RELB: variants seen among roughly 807,000 people sequenced by gnomAD.
The protein encoded by RELB is RELB proto-oncogene, NF-kB subunit.
A neutral mutation model predicts 55.4 loss-of-function variants in RELB; 14 were observed. The observed-to-expected ratio is 0.25, with a 90% confidence interval of 0.17 to 0.40. RELB has a LOEUF of 0.40. Ranked by LOEUF, RELB falls within the 10% of genes least tolerant of loss-of-function variation. RELB has a pLI of 1.00. For synonymous variants in RELB, 409 were observed against 371.3 expected (o/e 1.10, Z -1.17); for missense variants, 669 against 830.7 (o/e 0.81, Z 2.39).
At chr19:45,005,699 G>A (rs1045793764) in intron 2 of RELB, among the ~76,000 whole-genome samples, 49 of 152,302 alleles carry the variant, frequency 3.2e-4, no homozygotes, top group African/African-American at 1.1e-3. Context: ...CGCCTCCCAG[G>A]TTCAAGTGAT....
At chr19:45,011,785 TGTGTGTGTGTGTGAGAGAGAGAGAGAGA>T (rs1331330726) in intron 3 of RELB, 123 bp from the exon 4 acceptor site, 3 of 355,290 alleles carry the variant, frequency 8.4e-6, no homozygotes, top group African/African-American at 1.0e-4. Flanking sequence ...TGTGTGTGTG[TGTGTGTGTGTGTGAGAGAGAGAGAGAGA>T]GAGAGAGAGA....
intron 2 of RELB, among the ~76,000 whole-genome samples, chr19:45,008,000 CAAAAA>C (rs57007961): frequency 3.2e-5 from 2 of 63,012 alleles, no homozygotes; most frequent in African/African-American, 5.7e-5. Context: ...GCTAAAAATA[CAAAAA>C]AAAAAAAAAA....
In RELB at chr19:45,037,931, C is replaced by A; in HGVS notation, c.*141C>A. 1 of 814,096 alleles carries A rather than the reference C, an allele frequency of 1.2e-6. No homozygotes were observed. Among genetic ancestry groups the A allele is most frequent in the Non-Finnish European group, 1.7e-6 (1 of 577,650 alleles). The allele number at this position is 814,096 out of a possible 1,614,324, so 50.4% of individuals were successfully genotyped here. The stretch of plus-strand genomic sequence containing the variant: ...GGACATATTCAGCCTTGGCGAGAAG[C>A]TCCGTTGCACGGGTTTCCCCTTGAG... On this transcript the variant is annotated 3_prime_UTR_variant, in exon 12 of 12. Coordinates refer to ENST00000221452, the MANE Select transcript of RELB (RefSeq NM_006509.4).
chr19:45,003,100 C>T (rs2122377848), intron 2 of RELB, 104 bp downstream of exon 2: 1 of 1,130,806 alleles, frequency 8.8e-7, no homozygotes, highest in East Asian at 2.6e-5. Context: ...TCCACCTCAG[C>T]TTTCTCCTGA....
chr19:45,003,298 C>T (rs1484734414), intron 2 of RELB, among the ~76,000 whole-genome samples: 2 of 151,808 alleles, frequency 1.3e-5, no homozygotes, highest in Admixed American at 6.6e-5. Flanking sequence ...GGTGAAACCC[C>T]GTCTCTACTG....
In RELB at chr19:45,003,915, G is replaced by GTTTTTTTTTTTT. The variant is rs1039624578; in HGVS notation, c.154+934_154+945dup. Among the ~76,000 whole-genome samples the GTTTTTTTTTTTT allele has an allele frequency of 1.7e-3, 110 of 63,576 alleles. 14 individuals are homozygous for GTTTTTTTTTTTT. Among genetic ancestry groups the GTTTTTTTTTTTT allele is most frequent in the East Asian group, 3.0e-3 (5 of 1,646 alleles). 41.7% of individuals were successfully genotyped at this position (63,576 alleles called of 152,430 possible). A position where few individuals can be genotyped will look rare whatever the true frequency, so the allele number is the denominator to read the frequency against. On this transcript the variant is annotated intron_variant, in intron 2 of 11. Coordinates refer to ENST00000221452, the MANE Select transcript of RELB (RefSeq NM_006509.4). ...TGGGTTTTTTTTGTCTGTTTTTTGT[G>GTTTTTTTTTTTT]TTTTTTTTTTTTTTTTTTTTTTTTT...
At chr19:45,027,211 C>T (rs767423969) in intron 7 of RELB, among the ~76,000 whole-genome samples, 5 of 132,192 alleles carry the variant, frequency 3.8e-5, no homozygotes, top group Admixed American at 9.1e-5. Context: ...CCAGCCCGGG[C>T]AACAGAGCGA....
chr19:45,007,950 A>T (rs1031179028), intron 2 of RELB, among the ~76,000 whole-genome samples: 2 of 145,738 alleles, frequency 1.4e-5, no homozygotes, highest in African/African-American at 5.1e-5. Flanking sequence ...AGGTCAGGAG[A>T]TCGAGACTAG....
chr19:45,018,706 C>T (rs1440454980), intron 4 of RELB, among the ~76,000 whole-genome samples: 3 of 148,486 alleles, frequency 2.0e-5, no homozygotes, highest in South Asian at 4.3e-4. Context: ...GACAGAGTTT[C>T]GCTCTTGTTG....
intron 3 of RELB, 75 bp from the exon 4 acceptor site, chr19:45,011,861 G>A: frequency 1.1e-6 from 1 of 896,714 alleles, no homozygotes; most frequent in East Asian, 3.6e-5. Flanking sequence ...ACGTCTCGGG[G>A]GTAATCAAGC....
At chr19:45,032,812 C>T (rs1971641773) in intron 9 of RELB, 63 bp downstream of exon 9, 1 of 1,384,954 alleles carries the variant, frequency 7.2e-7, no homozygotes, top group African/African-American at 1.4e-5. Flanking sequence ...CTTGGGGAGA[C>T]CCCAGTGGGG....
chr19:45,012,115 G>C lies in RELB; in HGVS notation c.343G>C (p.Val115Leu). The change falls in exon 4 of 12, where the codon GTG (valine) becomes CTG (leucine). Residue 115 changes from valine (V) to leucine (L), a missense_variant. By Grantham distance (32) the Val-to-Leu change is conservative. This residue lies in a region of RELB where 323 missense variants were observed against 368.5 expected (regional missense o/e 0.88). Coordinates refer to ENST00000221452, the MANE Select transcript of RELB (RefSeq NM_006509.4). Reference sequence around the variant, plus strand: ...TTGGGGCTGCCCCCTGGGCCGACTAGTGTCCCCAGCGCCGGGCCCGGGCCC... The same window carrying C: ...TTGGGGCTGCCCCCTGGGCCGACTACTGTCCCCAGCGCCGGGCCCGGGCCC... The part of the protein sequence containing the change: ...PPWGCPLGRL[V>L]SPAPGPGPQP... The C allele has an allele frequency of 6.4e-7, 1 of 1,560,100 alleles. No homozygotes were observed. The highest frequency in any genetic ancestry group is 8.6e-7 in the Non-Finnish European group (1 of 1,160,850).
Position 45,012,072 on chromosome 19 carries a change from C to T in RELB, c.300C>T (p.Pro100=), listed in dbSNP as rs1395779187. ...CGGTCACCCTGGGCCCTGTGGCGCCCCCAGCCACGCCGCCGCCTTGGGGCT... is the reference window on the plus strand; with the variant it reads ...CGGTCACCCTGGGCCCTGTGGCGCCTCCAGCCACGCCGCCGCCTTGGGGCT... The part of the protein sequence containing the change: ...LSTVTLGPVA[P]PATPPPWGCP... The change falls in exon 4 of 12, where the codon CCC becomes CCT. Residue 100 remains proline, a synonymous_variant. Transcript: ENST00000221452. 2 of 1,549,578 alleles carry T rather than the reference C, an allele frequency of 1.3e-6. No individual in the cohort carries two copies. Among genetic ancestry groups the T allele is most frequent in the Admixed American group, 2.0e-5 (1 of 50,060 alleles).
At chr19:45,033,451 G>A (rs572853554) in intron 9 of RELB, among the ~76,000 whole-genome samples, 1 of 152,134 alleles carries the variant, frequency 6.6e-6, no homozygotes, top group African/African-American at 2.4e-5. Flanking sequence ...GTGGGAGGCT[G>A]AGGCAGGCGG....
chr19:45,026,325 C>T (rs898386580), intron 7 of RELB, among the ~76,000 whole-genome samples: 1 of 152,036 alleles, frequency 6.6e-6, no homozygotes, highest in Non-Finnish European at 1.5e-5. Context: ...ATTGCTTGAG[C>T]CCAGGAGGTT....
At chr19:45,004,238 T>C (rs1399541681) in intron 2 of RELB, among the ~76,000 whole-genome samples, 5 of 148,284 alleles carry the variant, frequency 3.4e-5, no homozygotes, top group Non-Finnish European at 7.5e-5. Flanking sequence ...TCTTTTTTTT[T>C]TGAGACGGAG....
intron 4 of RELB, among the ~76,000 whole-genome samples, chr19:45,012,702 A>C (rs1971377103): frequency 6.6e-6 from 1 of 151,172 alleles, no homozygotes; most frequent in Non-Finnish European, 1.5e-5. Context: ...GCACCATTGC[A>C]TAGCAGTCTG....
chr19:45,003,235 G>A (rs926654644), intron 2 of RELB, among the ~76,000 whole-genome samples: 4 of 152,068 alleles, frequency 2.6e-5, no homozygotes, highest in Non-Finnish European at 5.9e-5. Context: ...ACTTTGGGAG[G>A]CCGAGGCGGA....
chr19:45,027,905 G>C (rs138085472), intron 7 of RELB, among the ~76,000 whole-genome samples: 1,656 of 152,042 alleles, frequency 0.011, 21 homozygotes, highest in African/African-American at 0.036. Flanking sequence ...TTTAGAGATA[G>C]GGTCTCACTC....
Sources: gnomAD v4.1 joint callset for allele counts (sites outside exome capture counted in the v4.1 genomes callset) on GRCh38, gnomAD v4.1.1 for gene constraint, gnomAD v4.1.1 regional missense constraint, MANE v1.5 for transcripts, NCBI Gene and HGNC (gene_info 2026-07-23, HGNC 2026-07-21) for gene names.